TUNAR: variants seen among roughly 807,000 people sequenced by gnomAD.
TUNAR encodes the protein transmembrane neural differentiation associated intracellular calcium regulator, also known as protein TUNAR.
chr14:95,881,407 C>T (rs192601139), intron 2 of TUNAR, among the ~76,000 whole-genome samples: 11 of 152,270 alleles, frequency 7.2e-5, no homozygotes, highest in Admixed American at 7.2e-4. Flanking sequence ...ATGTATGCGA[C>T]GTCAGTCTGA....
rs118033401 is a variant in TUNAR at position 95,890,882 on chromosome 14, T to C, written c.12+13705T>C. Among the ~76,000 whole-genome samples the C allele has an allele frequency of 5.9e-3, 895 of 152,320 alleles. 33 individuals carry two copies. In the South Asian group the frequency reaches 0.068, roughly 12 times the overall value. On this transcript the variant is annotated intron_variant, in intron 2 of 2. Transcript: ENST00000678517. The stretch of plus-strand genomic sequence containing the variant: ...GTTTTCCCATTTCACCCCTGACAGC[T>C]GAGACTTTGGTCACAGAGCTGAACG...
intron 2 of TUNAR, among the ~76,000 whole-genome samples, chr14:95,919,451 A>G (rs981472883): frequency 6.6e-6 from 1 of 152,240 alleles, no homozygotes; most frequent in Non-Finnish European, 1.5e-5. Context: ...GCTCACACTT[A>G]TGATCCCAGC....
intron 2 of TUNAR, among the ~76,000 whole-genome samples, chr14:95,886,040 C>G (rs969408556): frequency 1.3e-5 from 2 of 152,196 alleles, no homozygotes; most frequent in African/African-American, 2.4e-5. Flanking sequence ...GCCCAGCCAT[C>G]GTGGACTCTA....
At chr14:95,886,262 A>G (rs1415855651) in intron 2 of TUNAR, among the ~76,000 whole-genome samples, 1 of 152,200 alleles carries the variant, frequency 6.6e-6, no homozygotes, top group Non-Finnish European at 1.5e-5. Flanking sequence ...AGAGGGGGAC[A>G]TGGTCTGGAA....
intron 2 of TUNAR, among the ~76,000 whole-genome samples, chr14:95,911,653 T>C (rs1889516296): frequency 6.6e-6 from 1 of 152,150 alleles, no homozygotes; most frequent in Non-Finnish European, 1.5e-5. Flanking sequence ...CTCCAAAATA[T>C]GGAAATGTTC....
exon 3 of TUNAR, chr14:95,925,441 A>G (rs1379335152): frequency 6.6e-6 from 1 of 152,152 alleles, no homozygotes; most frequent in Non-Finnish European, 1.5e-5. Context: ...GGATGAGAGG[A>G]GGCTGGTTAG....
chr14:95,894,904 T>C (rs1288918930), intron 2 of TUNAR, among the ~76,000 whole-genome samples: 1 of 152,198 alleles, frequency 6.6e-6, no homozygotes, highest in Non-Finnish European at 1.5e-5. Context: ...TGGCTTCCTC[T>C]TGGAGTCCAC....
chr14:95,895,654 A>G lies in TUNAR; in HGVS notation c.12+18477A>G, dbSNP rs1889251325. On this transcript the variant is annotated intron_variant, in intron 2 of 2. Coordinates refer to ENST00000678517, the Ensembl canonical transcript of TUNAR. The surrounding 1 kb of genome is among the most constrained non-coding windows in gnomAD (Gnocchi z 4.5). ...CTTCCAAGGGCTTCCAGGGTCTCTGATCTTCCTGGCATAGCTCTCTGGCAT... is the reference window on the plus strand; with the variant it reads ...CTTCCAAGGGCTTCCAGGGTCTCTGGTCTTCCTGGCATAGCTCTCTGGCAT... 6.6e-6 allele frequency among the ~76,000 whole-genome samples: 1 copy of G among 152,138 alleles called. No individual in the cohort carries two copies. The highest frequency in any genetic ancestry group is 2.4e-5 in the African/African-American group (1 of 41,426).
chr14:95,888,678 C>G (rs1889116872), intron 2 of TUNAR, among the ~76,000 whole-genome samples: 1 of 152,144 alleles, frequency 6.6e-6, no homozygotes, highest in Non-Finnish European at 1.5e-5. Flanking sequence ...CAAGAGAGAG[C>G]AAGAGGTTGT....
intron 2 of TUNAR, among the ~76,000 whole-genome samples, chr14:95,887,308 C>CA (rs1174062332): frequency 2.6e-5 from 4 of 152,220 alleles, no homozygotes; most frequent in Non-Finnish European, 4.4e-5. Context: ...CTGGAAGTCA[C>CA]TCCTGGCCTG....
intron 2 of TUNAR, among the ~76,000 whole-genome samples, chr14:95,893,021 A>T (rs1035714367): frequency 6.6e-6 from 1 of 152,178 alleles, no homozygotes; most frequent in African/African-American, 2.4e-5. Context: ...TTGCAGTTTC[A>T]AGTGAATTTC....
intron 2 of TUNAR, among the ~76,000 whole-genome samples, chr14:95,880,979 G>A (rs893219401): frequency 7.9e-5 from 12 of 152,120 alleles, no homozygotes; most frequent in Admixed American, 6.5e-4. Flanking sequence ...AATAATTATC[G>A]AATGGCAGAA....
At chr14:95,882,502 A>G (rs1299091828) in intron 2 of TUNAR, among the ~76,000 whole-genome samples, 2 of 152,230 alleles carry the variant, frequency 1.3e-5, no homozygotes, top group Non-Finnish European at 2.9e-5. Context: ...GCTTATGACA[A>G]GTGCAGATGG....
rs1889775094 is a variant in TUNAR, at chr14:95,925,560, T to G, written c.*2594T>G. On this transcript the variant is annotated 3_prime_UTR_variant, in exon 3 of 3. Transcript: ENST00000678517. ...AACAGAATAAACAATAAAGGTGCAA[T>G]GGAAAAAAATACTCGATGTCTTTTC... The G allele has an allele frequency of 1.3e-5, 2 of 151,892 alleles. 1 individual carries two copies. Among genetic ancestry groups the G allele is most frequent in the Non-Finnish European group, 2.9e-5 (2 of 67,968 alleles). 9.4% of individuals were successfully genotyped at this position (151,892 alleles called of 1,614,324 possible). A position where few individuals can be genotyped will look rare whatever the true frequency, so the allele number is the denominator to read the frequency against.
At position 95,895,092 on chromosome 14, in the gene TUNAR, G is replaced by A. The variant is rs1889241462; in HGVS notation, c.12+17915G>A. On this transcript the variant is annotated intron_variant, in intron 2 of 2. Coordinates refer to ENST00000678517, the Ensembl canonical transcript of TUNAR. This position sits in a 1 kb window ranked among gnomAD's most constrained non-coding sequence, Gnocchi z 4.5. ...CAGAGAATAGTGACAGATGTTGTCT[G>A]CCAGGTAAGTGCAGGAAGTGCAGAA... Among the ~76,000 whole-genome samples the A allele has an allele frequency of 6.6e-6, 1 of 152,208 alleles. No individual in the cohort carries two copies. The highest frequency in any genetic ancestry group is 2.4e-5 in the African/African-American group (1 of 41,456).
chr14:95,893,932 G>A lies in TUNAR; in HGVS notation c.12+16755G>A, dbSNP rs554489184. On this transcript the variant is annotated intron_variant, in intron 2 of 2. Coordinates refer to ENST00000678517, the Ensembl canonical transcript of TUNAR. Reference sequence around the variant, plus strand: ...TCAGTCATTTGCAAATAGCCTTGCAGAAATGTACATGGTGGGTCCAGTGTG... The same window carrying A: ...TCAGTCATTTGCAAATAGCCTTGCAAAAATGTACATGGTGGGTCCAGTGTG... Among the ~76,000 whole-genome samples the A allele has an allele frequency of 2.0e-5, 3 of 152,380 alleles. No individual in the cohort carries two copies. The South Asian group carries it at 6.2e-4, about 32-fold the overall frequency.
intron 2 of TUNAR, among the ~76,000 whole-genome samples, chr14:95,882,170 C>T (rs1387557046): frequency 1.3e-5 from 2 of 152,206 alleles, no homozygotes; most frequent in African/African-American, 4.8e-5. Context: ...AATAACATTG[C>T]GTGTCCTCGG....
rs370238097 is a variant in TUNAR at position 95,923,666 on chromosome 14, T to G, written c.*700T>G. 2.0e-5 allele frequency: 3 copies of G among 152,336 alleles called. No homozygotes were observed. In the East Asian group the frequency reaches 5.8e-4, roughly 29 times the overall value. The allele number at this position is 152,336 out of a possible 1,614,324, so 9.4% of individuals were successfully genotyped here. ...CCTCCCCCAACTACAGATGTTCTGT[T>G]GTGGAGCCATTCTAGTCCTTTTGTC... On this transcript the variant is annotated 3_prime_UTR_variant, in exon 3 of 3. Coordinates refer to ENST00000678517, the Ensembl canonical transcript of TUNAR.
intron 2 of TUNAR, among the ~76,000 whole-genome samples, chr14:95,889,103 A>G (rs952025236): frequency 6.6e-6 from 1 of 152,084 alleles, no homozygotes; most frequent in Non-Finnish European, 1.5e-5. Context: ...CTCAGCTTCA[A>G]AGAGGCCTTT....
Sources: allele counts gnomAD v4.1 joint callset (sites outside exome capture counted in the v4.1 genomes callset), GRCh38; gene constraint gnomAD v4.1.1; non-coding constraint Gnocchi (gnomAD v3.1); transcripts MANE v1.5; gene names NCBI Gene and HGNC (gene_info 2026-07-23, HGNC 2026-07-21).